The following TECPR2 variants were observed in gnomAD, a reference collection of about 807,000 sequenced individuals.
TECPR2 encodes the protein tectonin beta-propeller repeat containing 2.
In TECPR2, 65 loss-of-function variants were observed where a neutral mutation model predicts 138.1. The ratio of observed to expected loss-of-function variants is 0.47; its 90% CI spans 0.39 to 0.58. The LOEUF (loss-of-function observed/expected upper bound fraction) is 0.58, where lower values mean the gene tolerates loss of function less well. Ranked by LOEUF, TECPR2 falls within the 20% of genes least tolerant of loss-of-function variation. The pLI is 0.00. For missense variants in TECPR2, 1,553 were observed against 1,824.5 expected, an observed-to-expected ratio of 0.85 and a Z score of 2.71; for synonymous variants, 746 against 749.8, an observed-to-expected ratio of 0.99 and a Z score of 0.08.
At chr14:102,407,498 T>C (rs1436210057) in intron 3 of TECPR2, 32 bp downstream of exon 3, 53 of 1,566,250 alleles carry the variant, frequency 3.4e-5, no homozygotes, top group Non-Finnish European at 4.5e-5. Context: ...ACGTGTTAAC[T>C]TCTTGGCACA....
At chr14:102,408,845 G>A (rs1352965816) in intron 4 of TECPR2, among the ~76,000 whole-genome samples, 1 of 152,108 alleles carries the variant, frequency 6.6e-6, no homozygotes, top group Non-Finnish European at 1.5e-5. Flanking sequence ...TTCCACTGTT[G>A]TGTATTACTT....
At chr14:102,493,961 C>A (rs1022226935) in intron 17 of TECPR2, among the ~76,000 whole-genome samples, 1 of 152,330 alleles carries the variant, frequency 6.6e-6, no homozygotes, top group African/African-American at 2.4e-5. Context: ...GCCCTGTGTC[C>A]TCCGGGCATC....
chr14:102,436,907 C>T (rs1018167714), intron 9 of TECPR2: 3 of 816,450 alleles, frequency 3.7e-6, no homozygotes, highest in Non-Finnish European at 3.0e-6. Context: ...GGCAGACTGT[C>T]GGTGGGGTGG....
Position 102,434,582 on chromosome 14 carries a change from G to A in TECPR2, c.1765G>A (p.Val589Met), listed in dbSNP as rs1444378418. 2 of 1,561,060 alleles carry A rather than the reference G, an allele frequency of 1.3e-6. No homozygotes were observed. Among genetic ancestry groups the A allele is most frequent in the Admixed American group, 1.8e-5 (1 of 56,006 alleles). ...GCTGCTCAATGGAGCGAGGGAAGAT[G>A]TGGGAGGCAGTGATGTCACGGGACT... is the stretch of plus-strand genomic sequence containing the variant. ...RELLNGARED[V>M]GGSDVTGLGD... Residue 589 changes from valine (V) to methionine (M), a missense_variant, in exon 9 of 20, where the codon GTG becomes ATG. Physicochemically the swap from Val to Met is conservative, Grantham distance 21. Transcript: ENST00000359520.
chr14:102,414,598 G>T (rs200929170), intron 4 of TECPR2, 38 bp from the exon 5 acceptor site: 6 of 1,610,168 alleles, frequency 3.7e-6, no homozygotes, highest in Non-Finnish European at 5.1e-6. Context: ...TCTTTAGCCT[G>T]GCGCTGATGT....
chr14:102,497,477 G>A (rs960049168), intron 18 of TECPR2, 93 bp from the exon 19 acceptor site: 5 of 1,394,018 alleles, frequency 3.6e-6, no homozygotes, highest in Non-Finnish European at 1.9e-6. Flanking sequence ...AGGGACCCTG[G>A]TGGAGGTGTG....
At chr14:102,463,067 G>A (rs1329041980) in intron 16 of TECPR2, among the ~76,000 whole-genome samples, 6 of 152,218 alleles carry the variant, frequency 3.9e-5, no homozygotes, top group Non-Finnish European at 8.8e-5. Flanking sequence ...GCCAGAACCC[G>A]CAGACACGGC....
At chr14:102,451,221 A>G (rs565872144) in intron 15 of TECPR2, among the ~76,000 whole-genome samples, 1 of 152,240 alleles carries the variant, frequency 6.6e-6, no homozygotes, top group Admixed American at 6.5e-5. Context: ...CGGGAGGGGC[A>G]CTTCCCCCAC....
chr14:102,494,546 G>A (rs947445425), intron 17 of TECPR2, among the ~76,000 whole-genome samples: 1 of 151,602 alleles, frequency 6.6e-6, no homozygotes, highest in Non-Finnish European at 1.5e-5. Flanking sequence ...AACTAGCTCG[G>A]ACGGGTGCGG....
intron 16 of TECPR2, among the ~76,000 whole-genome samples, chr14:102,460,998 ATT>A (rs888278508): frequency 6.8e-6 from 1 of 147,768 alleles, no homozygotes; most frequent in Non-Finnish European, 1.5e-5. Context: ...CCCAGCCTCA[ATT>A]TTTTTTTTTT....
At chr14:102,408,329 A>G (rs1301187608) in intron 3 of TECPR2, among the ~76,000 whole-genome samples, 159 bp from the exon 4 acceptor site, 1 of 152,214 alleles carries the variant, frequency 6.6e-6, no homozygotes, top group Non-Finnish European at 1.5e-5. Context: ...GAAGGTGACT[A>G]GACAGATGGA....
intron 2 of TECPR2, among the ~76,000 whole-genome samples, chr14:102,383,952 C>T (rs1887914222): frequency 6.8e-6 from 1 of 147,532 alleles, no homozygotes; most frequent in Non-Finnish European, 1.5e-5. Flanking sequence ...TGGAGTTTCG[C>T]TCTTGTTGCC....
chr14:102,427,013 A>G (rs936858834), intron 6 of TECPR2, among the ~76,000 whole-genome samples: 4 of 152,012 alleles, frequency 2.6e-5, no homozygotes, highest in African/African-American at 9.7e-5. Flanking sequence ...GGGCAGAACT[A>G]GACTCGACTC....
rs12587242 is a variant in TECPR2, at chr14:102,425,306, G to T, written c.951+15G>T. ...CAGTCAACCAGGTAAGTGAAGGGACGCCACCATATCTTCTGTGTCTATAGG... is the reference window on the plus strand; with the variant it reads ...CAGTCAACCAGGTAAGTGAAGGGACTCCACCATATCTTCTGTGTCTATAGG... On this transcript the variant is annotated intron_variant, in intron 6 of 19. Transcript: ENST00000359520. 552 of 1,562,980 alleles carry T rather than the reference G, an allele frequency of 3.5e-4. 8 individuals carry two copies. In the East Asian group the frequency reaches 0.012, roughly 34 times the overall value.
At chr14:102,424,484 G>A (rs1246788627) in intron 5 of TECPR2, among the ~76,000 whole-genome samples, 1 of 152,116 alleles carries the variant, frequency 6.6e-6, no homozygotes, top group Non-Finnish European at 1.5e-5. Context: ...ACAGGCATGC[G>A]CCACCATGCC....
At chr14:102,414,581 G>GGTCC in intron 4 of TECPR2, 55 bp from the exon 5 acceptor site, 2 of 1,601,364 alleles carry the variant, frequency 1.2e-6, no homozygotes, top group Middle Eastern at 1.9e-4. Flanking sequence ...TCCTAAGGGA[G>GGTCC]GTCCATTCTT....
intron 17 of TECPR2, among the ~76,000 whole-genome samples, chr14:102,478,648 C>CAA (rs58083060): frequency 1.1e-4 from 14 of 127,460 alleles, no homozygotes; most frequent in African/African-American, 3.8e-4. Context: ...GACCCTGTCT[C>CAA]AAAAAAAAAA....
At position 102,434,466 on chromosome 14, in the gene TECPR2, T is replaced by G. The variant is rs1457039854; in HGVS notation, c.1649T>G (p.Leu550Arg). 3.2e-6 allele frequency: 5 copies of G among 1,553,294 alleles called. No homozygotes were observed. The highest frequency in any genetic ancestry group is 4.3e-6 in the Non-Finnish European group (5 of 1,151,796). Residue 550 changes from leucine to arginine, a missense_variant, in exon 9 of 20, where the codon CTG (leucine) becomes CGG (arginine). Coordinates refer to ENST00000359520, the MANE Select transcript of TECPR2 (RefSeq NM_014844.5). Reference sequence around the variant, plus strand: ...ACTGACCCCGAAACGTTTAATGTCCTGGAGGTGTCAGGATCAATGCCTGAT... The same window carrying G: ...ACTGACCCCGAAACGTTTAATGTCCGGGAGGTGTCAGGATCAATGCCTGAT... Reference protein sequence around the residue: ...ENTDPETFNVLEVSGSMPDSL... With the variant: ...ENTDPETFNVREVSGSMPDSL...
intron 16 of TECPR2, among the ~76,000 whole-genome samples, chr14:102,458,364 C>T (rs1306077076): frequency 6.6e-6 from 1 of 152,188 alleles, no homozygotes; most frequent in Admixed American, 6.5e-5. Context: ...GGTGTGCCCA[C>T]CTCCCACCAC....
Sources: gnomAD v4.1 joint callset for allele counts (sites outside exome capture counted in the v4.1 genomes callset) on GRCh38, gnomAD v4.1.1 for gene constraint, MANE v1.5 for transcripts, NCBI Gene and HGNC (gene_info 2026-07-23, HGNC 2026-07-21) for gene names.